Variants in MAU2 observed in about 807,000 individuals in gnomAD.
MAU2 encodes the protein MAU2 sister chromatid cohesion factor, also known as MAU2 chromatid cohesion factor homolog.
A neutral mutation model predicts 89.1 loss-of-function variants in MAU2; 9 were observed. That is an observed-to-expected ratio of 0.10 (90% CI 0.06 to 0.18). MAU2 has a LOEUF of 0.18. Ranked by LOEUF, MAU2 falls within the 10% of genes least tolerant of loss-of-function variation. MAU2 has a pLI of 1.00. For missense variants in MAU2, 425 were observed against 803.5 expected (o/e 0.53, Z 5.69); for synonymous variants, 357 against 343.4 (o/e 1.04, Z -0.44).
intron 1 of MAU2, among the ~76,000 whole-genome samples, chr19:19,323,475 T>C (rs1489119567): frequency 6.6e-6 from 1 of 152,154 alleles, no homozygotes; most frequent in African/African-American, 2.4e-5. Context: ...ATTATAGGTG[T>C]GAGTCACCAC....
intron 1 of MAU2, among the ~76,000 whole-genome samples, chr19:19,323,459 G>A (rs1023280338): frequency 1.3e-5 from 2 of 152,116 alleles, no homozygotes; most frequent in East Asian, 3.8e-4. Flanking sequence ...CTCCCAAAGT[G>A]CTAGGATTAT....
At position 19,348,914 on chromosome 19, in the gene MAU2, A is replaced by G. The variant is rs759843129; in HGVS notation, c.1334A>G (p.Asn445Ser). 6.2e-7 allele frequency: 1 copy of G among 1,613,566 alleles called. No homozygotes were observed. The highest frequency in any genetic ancestry group is 1.3e-5 in the African/African-American group (1 of 74,852). The change falls in exon 14 of 19, where the codon AAC (asparagine) becomes AGC (serine). Residue 445 changes from asparagine (N) to serine (S), a missense_variant. Asn to Ser is a conservative substitution (Grantham distance 46, BLOSUM62 1). This residue lies in a region of MAU2 where 66 missense variants were observed against 129.1 expected (regional missense o/e 0.51). Coordinates refer to ENST00000262815, the MANE Select transcript of MAU2 (RefSeq NM_015329.4). Reference protein sequence around the residue: ...EVLYSLLERINPDHSFPVSSH... With the variant: ...EVLYSLLERISPDHSFPVSSH... ...CTCTACAGTCTGCTGGAGAGGATCA[A>G]CCCGGACCACAGCTTCCCTGTCAGG...
At chr19:19,324,748 G>A (rs905280478) in intron 1 of MAU2, among the ~76,000 whole-genome samples, 1 of 152,170 alleles carries the variant, frequency 6.6e-6, no homozygotes, top group Non-Finnish European at 1.5e-5. Flanking sequence ...TGTAGCTCAC[G>A]CCAACTTTAT....
chr19:19,329,372 C>CA, intron 1 of MAU2, among the ~76,000 whole-genome samples: 1 of 152,292 alleles, frequency 6.6e-6, no homozygotes, highest in Non-Finnish European at 1.5e-5. Flanking sequence ...ACCATCACCT[C>CA]ACGGTTCTAC....
intron 6 of MAU2, 120 bp from the exon 7 acceptor site, chr19:19,341,132 C>A: frequency 1.6e-6 from 2 of 1,253,574 alleles, no homozygotes; most frequent in African/African-American, 1.5e-5. Flanking sequence ...TTCAGGCTGG[C>A]CTTGCCCTCT....
chr19:19,320,880 A>G lies in MAU2; in HGVS notation c.21A>G (p.Ala7=), dbSNP rs778666246. The change falls in exon 1 of 19, where the codon GCA becomes GCG. Residue 7 remains alanine (A), a synonymous_variant. Transcript: ENST00000262815. MAAQAA[A]AAQAAAAQAA... ...CCAAAATGGCGGCTCAGGCGGCGGC[A>G]GCGGCCCAGGCGGCGGCGGCCCAGG... is the stretch of plus-strand genomic sequence containing the variant. 43 of 1,515,918 alleles carry G rather than the reference A, an allele frequency of 2.8e-5. 1 individual carries two copies. The highest frequency in any genetic ancestry group is 6.2e-5 in the South Asian group (5 of 80,172). The allele number at this position is 1,515,918 out of a possible 1,614,324, so 93.9% of individuals were successfully genotyped here. A position where few individuals can be genotyped will look rare whatever the true frequency, so the allele number is the denominator to read the frequency against.
At position 19,356,322 on chromosome 19, in the gene MAU2, T is replaced by C. The variant is rs1212258409; in HGVS notation, c.*540T>C. ...GATCCCAGCACTTTTCCCAGCTTTC[T>C]CTCCAGCATCAGTCCCTGCAGCAGC... is the stretch of plus-strand genomic sequence containing the variant. On this transcript the variant is annotated 3_prime_UTR_variant, in exon 19 of 19. Coordinates refer to ENST00000262815, the MANE Select transcript of MAU2 (RefSeq NM_015329.4). 1 of 331,182 alleles carries C rather than the reference T, an allele frequency of 3.0e-6. No homozygotes were observed. Among genetic ancestry groups the C allele is most frequent in the African/African-American group, 2.2e-5 (1 of 46,388 alleles). The allele number at this position is 331,182 out of a possible 1,614,324, so 20.5% of individuals were successfully genotyped here. A position where few individuals can be genotyped will look rare whatever the true frequency, so the allele number is the denominator to read the frequency against.
At chr19:19,334,677 G>C in intron 1 of MAU2, 1 of 887,076 alleles carries the variant, frequency 1.1e-6, no homozygotes, top group Non-Finnish European at 1.4e-6. Flanking sequence ...TCAGCTAGGA[G>C]TGGCCGCTGT....
At position 19,321,045 on chromosome 19, in the gene MAU2, C is replaced by T. The variant is rs1442157315; in HGVS notation, c.186C>T (p.Arg62=). 1 of 1,613,032 alleles carries T rather than the reference C, an allele frequency of 6.2e-7. No homozygotes were observed. The highest frequency in any genetic ancestry group is 1.1e-5 in the South Asian group (1 of 90,784). ...TGTTCCCCTTCAAGCCGCCGCAGCGCATCGAGGCCCGTACACACCTGCAGC... is the reference window on the plus strand; with the variant it reads ...TGTTCCCCTTCAAGCCGCCGCAGCGTATCGAGGCCCGTACACACCTGCAGC... The part of the protein sequence containing the change: ...QAVFPFKPPQ[R]IEARTHLQLG... Residue 62 remains arginine (R), a synonymous_variant, in exon 1 of 19, where the codon CGC becomes CGT. Coordinates refer to ENST00000262815, the MANE Select transcript of MAU2 (RefSeq NM_015329.4).
At chr19:19,334,503 C>G in intron 1 of MAU2, 1 of 985,978 alleles carries the variant, frequency 1.0e-6, no homozygotes, top group South Asian at 4.7e-5. Context: ...CCAAGGCTGC[C>G]CCCAGCCGTG....
In MAU2 at chr19:19,345,874, G is replaced by A. The variant is rs1872384866; in HGVS notation, c.1221+505G>A. On this transcript the variant is annotated intron_variant, in intron 12 of 18. Transcript: ENST00000262815. This position sits in a 1 kb window ranked among gnomAD's most constrained non-coding sequence, Gnocchi z 4.9. ...GGGGCCCCGCCAGGCCCTGGAAGAA[G>A]GCTGGTGCCACATCCTCACGGAGCG... Among the ~76,000 whole-genome samples, 1 of 152,212 alleles carries A rather than the reference G, an allele frequency of 6.6e-6. No individual in the cohort carries two copies. Among genetic ancestry groups the A allele is most frequent in the Non-Finnish European group, 1.5e-5 (1 of 68,022 alleles).
chr19:19,329,770 C>T (rs995195484), intron 1 of MAU2, among the ~76,000 whole-genome samples: 1 of 149,996 alleles, frequency 6.7e-6, no homozygotes, highest in Non-Finnish European at 1.5e-5. Flanking sequence ...CCAGCCTGGG[C>T]AACATAGCCA....
Position 19,345,577 on chromosome 19 carries a change from C to T in MAU2, c.1221+208C>T, listed in dbSNP as rs904161792. On this transcript the variant is annotated intron_variant, in intron 12 of 18. Transcript: ENST00000262815. This position sits in a 1 kb window ranked among gnomAD's most constrained non-coding sequence, Gnocchi z 4.9. ...GGGACAGCTATGGGGCCAGGGGCTTCCTGAGCTGACCCAAGGGCAGACGTG... is the reference window on the plus strand; with the variant it reads ...GGGACAGCTATGGGGCCAGGGGCTTTCTGAGCTGACCCAAGGGCAGACGTG... Among the ~76,000 whole-genome samples the T allele has an allele frequency of 3.9e-5, 6 of 152,194 alleles. No individual in the cohort carries two copies. Among genetic ancestry groups the T allele is most frequent in the African/African-American group, 1.4e-4 (6 of 41,444 alleles).
In MAU2 at chr19:19,344,936, C is replaced by G. The variant is rs1438120320; in HGVS notation, c.1155+10C>G. On this transcript the variant is annotated intron_variant, in intron 11 of 18. Coordinates refer to ENST00000262815, the MANE Select transcript of MAU2 (RefSeq NM_015329.4). ...GCTGCACACATTGCTGGTGAGTAACCCTGTGACAACACCCCGGGAGAATCC... is the reference window on the plus strand; with the variant it reads ...GCTGCACACATTGCTGGTGAGTAACGCTGTGACAACACCCCGGGAGAATCC... 7 of 1,612,402 alleles carry G rather than the reference C, an allele frequency of 4.3e-6. No individual in the cohort carries two copies. In the South Asian group the frequency reaches 6.6e-5, roughly 15 times the overall value.
At chr19:19,335,428 C>T (rs1568655187) in intron 1 of MAU2, among the ~76,000 whole-genome samples, 1 of 152,316 alleles carries the variant, frequency 6.6e-6, no homozygotes, top group Non-Finnish European at 1.5e-5. Flanking sequence ...TGAAGCAGCT[C>T]CCACCCATGG....
intron 16 of MAU2, chr19:19,354,007 T>A (rs2061764605): frequency 3.2e-6 from 1 of 314,226 alleles, no homozygotes; most frequent in Admixed American, 4.0e-5. Context: ...CCTGGAACCC[T>A]ATATGAATCT....
At chr19:19,335,892 C>T (rs977663786) in intron 2 of MAU2, among the ~76,000 whole-genome samples, 157 bp downstream of exon 2, 1 of 152,200 alleles carries the variant, frequency 6.6e-6, no homozygotes, top group Admixed American at 6.5e-5. Flanking sequence ...CTCTGCTGCC[C>T]TTGGGCGCTG....
intron 1 of MAU2, chr19:19,334,440 G>T: frequency 1.0e-6 from 1 of 985,690 alleles, no homozygotes. Flanking sequence ...TGCTTTCCCA[G>T]TGCCTGTGAC....
intron 5 of MAU2, 89 bp from the exon 6 acceptor site, chr19:19,340,757 A>G: frequency 7.0e-7 from 1 of 1,422,830 alleles, no homozygotes; most frequent in Non-Finnish European, 9.7e-7. Flanking sequence ...GAGGTGGCAT[A>G]TTAGGTCCTG....
Sources: gnomAD v4.1 joint callset for allele counts (sites outside exome capture counted in the v4.1 genomes callset) on GRCh38, gnomAD v4.1.1 for gene constraint, gnomAD v4.1.1 regional missense constraint, Gnocchi (gnomAD v3.1) non-coding constraint, MANE v1.5 for transcripts, NCBI Gene and HGNC (gene_info 2026-07-23, HGNC 2026-07-21) for gene names.